CA10: variants seen among roughly 807,000 people sequenced by gnomAD.
CA10 encodes carbonic anhydrase 10 (inactive).
A neutral mutation model predicts 44.2 loss-of-function variants in CA10; 14 were observed. That is an observed-to-expected ratio of 0.32 (90% CI 0.21 to 0.50). The LOEUF is 0.50. Ranked by LOEUF, CA10 falls within the 20% of genes least tolerant of loss-of-function variation. The probability of loss-of-function intolerance (pLI) is 0.99; values close to 1 mark genes in which losing one functional copy is unlikely to be tolerated. For missense variants in CA10, 350 were observed against 409.7 expected (o/e 0.85, Z 1.26); for synonymous variants, 159 against 141.6 (o/e 1.12, Z -0.87).
chr17:52,122,977 G>A (rs1402431726), intron 1 of CA10, among the ~76,000 whole-genome samples: 5 of 151,956 alleles, frequency 3.3e-5, no homozygotes, highest in African/African-American at 1.2e-4. Flanking sequence ...AAACATTTAT[G>A]AATGAATTTA....
chr17:51,871,883 A>G (rs771637343), intron 3 of CA10, among the ~76,000 whole-genome samples: 6 of 152,116 alleles, frequency 3.9e-5, no homozygotes, highest in African/African-American at 7.2e-5. Flanking sequence ...ACCTTCAAAG[A>G]CTCATGTGTA....
At position 52,116,736 on chromosome 17, in the gene CA10, A is replaced by G. The variant is rs144806168; in HGVS notation, c.61+40990T>C. Among the ~76,000 whole-genome samples the G allele has an allele frequency of 2.9e-3, 435 of 152,350 alleles. 3 individuals are homozygous for G. Among genetic ancestry groups the G allele is most frequent in the Non-Finnish European group, 5.3e-3 (361 of 68,036 alleles). On this transcript the variant is annotated intron_variant, in intron 1 of 8. Coordinates refer to ENST00000451037, the MANE Select transcript of CA10 (RefSeq NM_020178.5). ...AGTTGAGCTCAGGGGAAAGGAACCC[A>G]GAAGCCTGACATGCTGGCAAAAGGG...
rs150425223 is a variant in CA10, at chr17:51,635,752, T to C, written c.789+103A>G. ...AACTACCCAGTTTGTGGGACTTTGT[T>C]ATAGTGGTCCTAGTAAACTATTATA... On this transcript the variant is annotated intron_variant, in intron 7 of 8. Transcript: ENST00000451037. 20 of 872,992 alleles carry C rather than the reference T, an allele frequency of 2.3e-5. No individual in the cohort carries two copies. In the Admixed American group the frequency reaches 5.1e-4, roughly 22 times the overall value. The allele number at this position is 872,992 out of a possible 1,614,324, so 54.1% of individuals were successfully genotyped here. A position where few individuals can be genotyped will look rare whatever the true frequency, so the allele number is the denominator to read the frequency against.
chr17:52,114,547 T>A (rs1212579672), intron 1 of CA10, among the ~76,000 whole-genome samples: 1 of 152,216 alleles, frequency 6.6e-6, no homozygotes, highest in Non-Finnish European at 1.5e-5. Context: ...AAATTCCTTA[T>A]AAATATAAGC....
At chr17:51,906,628 T>C (rs1981567323) in intron 3 of CA10, among the ~76,000 whole-genome samples, 2 of 152,172 alleles carry the variant, frequency 1.3e-5, no homozygotes, top group Non-Finnish European at 2.9e-5. Flanking sequence ...CCCACTTTCT[T>C]AGTTTCCAGA....
intron 3 of CA10, among the ~76,000 whole-genome samples, chr17:51,908,609 A>C (rs1981662167): frequency 6.6e-6 from 1 of 151,948 alleles, no homozygotes; most frequent in Non-Finnish European, 1.5e-5. Flanking sequence ...CTTTGGTATT[A>C]GCTAGCTCTA....
chr17:51,766,988 G>A (rs1486392866), intron 3 of CA10, among the ~76,000 whole-genome samples: 1 of 152,202 alleles, frequency 6.6e-6, no homozygotes, highest in Non-Finnish European at 1.5e-5. Context: ...GTCTTGGGAG[G>A]TGCCTTGGTA....
At chr17:52,067,545 A>G (rs1175409854) in intron 2 of CA10, among the ~76,000 whole-genome samples, 1 of 152,234 alleles carries the variant, frequency 6.6e-6, no homozygotes, top group African/African-American at 2.4e-5. Flanking sequence ...GGCACTGCCT[A>G]GTGGAGCTGT....
Position 51,672,894 on chromosome 17 carries a change from T to G in CA10, c.466-19158A>C, listed in dbSNP as rs574117360. On this transcript the variant is annotated intron_variant, in intron 4 of 8. Transcript: ENST00000451037. ...TGAGTTCCCTGAGCTCTGGCTGCTT[T>G]CTAGTGGGGAGGGAGTTCCAGTGGC... Among the ~76,000 whole-genome samples the G allele has an allele frequency of 3.9e-5, 6 of 152,316 alleles. No homozygotes were observed. The Middle Eastern group carries it at 0.014, about 345-fold the overall frequency.
intron 3 of CA10, among the ~76,000 whole-genome samples, chr17:51,816,954 T>C (rs1029792996): frequency 3.9e-5 from 6 of 152,312 alleles, no homozygotes; most frequent in South Asian, 2.1e-4. Flanking sequence ...CATTGGGCTA[T>C]AGTATAAGCA....
intron 3 of CA10, among the ~76,000 whole-genome samples, chr17:51,833,857 C>G (rs970116744): frequency 2.0e-5 from 3 of 152,058 alleles, no homozygotes; most frequent in African/African-American, 7.2e-5. Flanking sequence ...GTTATTTATC[C>G]TGATGATTTT....
intron 4 of CA10, among the ~76,000 whole-genome samples, chr17:51,672,549 A>G (rs111546993): frequency 1.6e-3 from 250 of 152,306 alleles, no homozygotes; most frequent in African/African-American, 5.8e-3. Context: ...CCGGGGGACC[A>G]AAACTTAGAG....
chr17:52,081,663 A>G (rs1420725963), intron 1 of CA10, among the ~76,000 whole-genome samples: 1 of 151,748 alleles, frequency 6.6e-6, no homozygotes, highest in Admixed American at 6.6e-5. Context: ...AGCCGGGCGT[A>G]GTGGTGGGCG....
At chr17:51,948,981 AT>A in intron 2 of CA10, among the ~76,000 whole-genome samples, 1 of 152,308 alleles carries the variant, frequency 6.6e-6, no homozygotes, top group African/African-American at 2.4e-5. Flanking sequence ...AACAGCAGTG[AT>A]TTTTTATTAG....
At chr17:51,650,493 G>C (rs1913525959) in intron 5 of CA10, among the ~76,000 whole-genome samples, 1 of 152,142 alleles carries the variant, frequency 6.6e-6, no homozygotes, top group South Asian at 2.1e-4. Context: ...TGGCTGTGTT[G>C]TGGTGAGACA....
intron 6 of CA10, among the ~76,000 whole-genome samples, chr17:51,639,025 CAGA>C (rs1912961216): frequency 6.6e-6 from 1 of 152,076 alleles, no homozygotes; most frequent in Non-Finnish European, 1.5e-5. Context: ...CAGACCACAC[CAGA>C]AGGTCTTCCC....
At chr17:51,875,695 G>A (rs1473336334) in intron 3 of CA10, among the ~76,000 whole-genome samples, 1 of 151,680 alleles carries the variant, frequency 6.6e-6, no homozygotes, top group East Asian at 1.9e-4. Context: ...TTTTGGGGGG[G>A]GTATATAGTT....
intron 3 of CA10, among the ~76,000 whole-genome samples, chr17:51,844,126 TATG>T (rs1289265401): frequency 3.0e-4 from 45 of 152,176 alleles, no homozygotes; most frequent in Admixed American, 2.9e-3. Context: ...GAATTATTGA[TATG>T]ATGATGTGAC....
intron 2 of CA10, among the ~76,000 whole-genome samples, chr17:51,998,801 A>G (rs1985325445): frequency 6.6e-6 from 1 of 152,010 alleles, no homozygotes; most frequent in African/African-American, 2.4e-5. Flanking sequence ...CTCAGTAATA[A>G]TCCAGGGGTG....
Sources: allele counts gnomAD v4.1 joint callset (sites outside exome capture counted in the v4.1 genomes callset), GRCh38; gene constraint gnomAD v4.1.1; transcripts MANE v1.5; gene names NCBI Gene and HGNC (gene_info 2026-07-23, HGNC 2026-07-21).